Variants in SPAG16 observed in about 807,000 individuals in gnomAD.
The protein encoded by SPAG16 is sperm-associated antigen 16 protein.
In SPAG16, 86 loss-of-function variants were observed where a neutral mutation model predicts 80.4. That is an observed-to-expected ratio of 1.07 (90% CI 0.90 to 1.28). The LOEUF (loss-of-function observed/expected upper bound fraction) is 1.28, where lower values mean the gene tolerates loss of function less well. SPAG16 is among the 50% of genes most tolerant of loss of function. The probability of loss-of-function intolerance (pLI) is 0.00; values close to 1 mark genes in which losing one functional copy is unlikely to be tolerated. For missense variants in SPAG16, 870 were observed against 765.3 expected, an observed-to-expected ratio of 1.14 and a Z score of -1.61; for synonymous variants, 294 against 265.9, an observed-to-expected ratio of 1.11 and a Z score of -1.03.
At position 213,536,723 on chromosome 2, in the gene SPAG16, A is replaced by G. The variant is rs571185662; in HGVS notation, c.1070+46633A>G. On this transcript the variant is annotated intron_variant, in intron 10 of 15. Coordinates refer to ENST00000331683, the MANE Select transcript of SPAG16 (RefSeq NM_024532.5). The stretch of plus-strand genomic sequence containing the variant: ...TGTTTGAGTTCATTGTAGATTCTGG[A>G]TATTAGCCCTTTGTCAGATGAGTAG... 1.2e-3 allele frequency among the ~76,000 whole-genome samples: 179 copies of G among 152,118 alleles called. 1 individual carries two copies. Among genetic ancestry groups the G allele is most frequent in the Non-Finnish European group, 5.6e-4 (38 of 67,982 alleles).
Position 213,460,563 on chromosome 2 carries a change from G to A in SPAG16, c.943-29400G>A, listed in dbSNP as rs61661660. Among the ~76,000 whole-genome samples, 433 of 152,218 alleles carry A rather than the reference G, an allele frequency of 2.8e-3. 2 individuals are homozygous for A. Among genetic ancestry groups the A allele is most frequent in the African/African-American group, 9.9e-3 (413 of 41,540 alleles). On this transcript the variant is annotated intron_variant, in intron 9 of 15. Transcript: ENST00000331683. ...GAGATTAAGCTAATTTTGACCATAA[G>A]AAAAATGTTTGCAATAATTTAAACA...
intron 10 of SPAG16, among the ~76,000 whole-genome samples, chr2:213,601,224 A>G (rs930791477): frequency 6.6e-6 from 1 of 152,232 alleles, no homozygotes; most frequent in African/African-American, 2.4e-5. Context: ...GGAAGGGACC[A>G]GAGGTAATTG....
chr2:213,894,730 C>A (rs551816387), intron 11 of SPAG16, among the ~76,000 whole-genome samples: 1 of 152,220 alleles, frequency 6.6e-6, no homozygotes, highest in African/African-American at 2.4e-5. Flanking sequence ...GTGGCTCACA[C>A]CTGTAATCCC....
At chr2:213,338,534 A>C (rs1226835977) in intron 5 of SPAG16, among the ~76,000 whole-genome samples, 1 of 152,212 alleles carries the variant, frequency 6.6e-6, no homozygotes, top group East Asian at 1.9e-4. Context: ...AGGAATATAA[A>C]TCATTCTGTT....
chr2:214,185,025 C>T (rs777010163), intron 15 of SPAG16, among the ~76,000 whole-genome samples: 5 of 151,586 alleles, frequency 3.3e-5, no homozygotes, highest in African/African-American at 1.2e-4. Context: ...GATTATTAAT[C>T]TCAATAATCA....
chr2:214,209,284 C>A (rs2058226717), intron 15 of SPAG16, among the ~76,000 whole-genome samples: 1 of 152,038 alleles, frequency 6.6e-6, no homozygotes, highest in Non-Finnish European at 1.5e-5. Flanking sequence ...ATCAGAAACT[C>A]CCCAGCCTAA....
At chr2:213,650,319 G>A (rs1023052847) in intron 10 of SPAG16, among the ~76,000 whole-genome samples, 6 of 152,094 alleles carry the variant, frequency 3.9e-5, no homozygotes, top group African/African-American at 1.4e-4. Context: ...AGTAAACAAA[G>A]CCATACTCCT....
intron 9 of SPAG16, among the ~76,000 whole-genome samples, chr2:213,441,397 A>G (rs1451344614): frequency 6.6e-6 from 1 of 152,220 alleles, no homozygotes; most frequent in African/African-American, 2.4e-5. Flanking sequence ...GAAACAACAT[A>G]TCTACATATG....
chr2:213,336,181 C>G (rs1335298835), intron 5 of SPAG16, among the ~76,000 whole-genome samples: 1 of 152,232 alleles, frequency 6.6e-6, no homozygotes, highest in African/African-American at 2.4e-5. Context: ...ATCCTTGCAA[C>G]CTGCGGATCA....
chr2:213,464,459 G>A (rs1280931984), intron 9 of SPAG16, among the ~76,000 whole-genome samples: 2 of 152,304 alleles, frequency 1.3e-5, no homozygotes, highest in Admixed American at 6.5e-5. Context: ...GTTATTGCCT[G>A]AAGGTACTTA....
chr2:214,398,973 T>C (rs1054439281), intron 15 of SPAG16, among the ~76,000 whole-genome samples: 1 of 152,206 alleles, frequency 6.6e-6, no homozygotes, highest in African/African-American at 2.4e-5. Flanking sequence ...AATAAACAGA[T>C]GTGAAATATT....
chr2:214,403,330 T>A (rs1206751101), intron 15 of SPAG16, among the ~76,000 whole-genome samples: 2 of 148,682 alleles, frequency 1.3e-5, no homozygotes, highest in Non-Finnish European at 3.0e-5. Flanking sequence ...GATATATTTA[T>A]TTATATATTT....
intron 14 of SPAG16, among the ~76,000 whole-genome samples, chr2:214,140,539 T>C (rs1576329328): frequency 6.6e-6 from 1 of 152,096 alleles, no homozygotes; most frequent in African/African-American, 2.4e-5. Context: ...GATGGACTTG[T>C]ATTACAATCT....
chr2:213,510,309 A>C (rs1333027327), intron 10 of SPAG16, among the ~76,000 whole-genome samples: 1 of 152,184 alleles, frequency 6.6e-6, no homozygotes, highest in East Asian at 1.9e-4. Flanking sequence ...GTATGATTTT[A>C]ATATAAGTAC....
rs563852672 is a variant in SPAG16, at chr2:213,428,830, G to A, written c.942+53711G>A. On this transcript the variant is annotated intron_variant, in intron 9 of 15. Transcript: ENST00000331683. ...GAGAAGGCTGGGCATGGTGGCTCATGCCTGTAATCCCAGCACTTTGGGAGG... is the reference window on the plus strand; with the variant it reads ...GAGAAGGCTGGGCATGGTGGCTCATACCTGTAATCCCAGCACTTTGGGAGG... Among the ~76,000 whole-genome samples the A allele has an allele frequency of 1.8e-4, 27 of 152,212 alleles. No individual in the cohort carries two copies. In the South Asian group the frequency reaches 5.6e-3, roughly 32 times the overall value.
Position 213,490,039 on chromosome 2 carries a change from T to C in SPAG16, c.1019T>C (p.Phe340Ser). ...AAAGAAAGTCTTTCTCCAGCAAAATTTGACTACAAGCTGAAAAACATTTTT... is the reference window on the plus strand; with the variant it reads ...AAAGAAAGTCTTTCTCCAGCAAAATCTGACTACAAGCTGAAAAACATTTTT... ...VSKESLSPAK[F>S]DYKLKNIFRL... Residue 340 changes from phenylalanine (F) to serine (S), a missense_variant, in exon 10 of 16, where the codon TTT (phenylalanine) becomes TCT (serine). Coordinates refer to ENST00000331683, the MANE Select transcript of SPAG16 (RefSeq NM_024532.5). 1.2e-6 allele frequency: 2 copies of C among 1,610,894 alleles called. No individual in the cohort carries two copies. The highest frequency in any genetic ancestry group is 8.5e-7 in the Non-Finnish European group (1 of 1,178,584).
intron 15 of SPAG16, among the ~76,000 whole-genome samples, chr2:214,303,707 A>C (rs1234129114): frequency 6.6e-6 from 1 of 152,178 alleles, no homozygotes; most frequent in Non-Finnish European, 1.5e-5. Flanking sequence ...TGCCCATCAA[A>C]TATGATTTTC....
intron 9 of SPAG16, among the ~76,000 whole-genome samples, chr2:213,386,846 T>TA (rs1368967862): frequency 2.6e-5 from 4 of 152,160 alleles, no homozygotes. Flanking sequence ...TAAAGATAAC[T>TA]AAATATTACA....
chr2:214,036,593 T>C (rs542308870), intron 13 of SPAG16, among the ~76,000 whole-genome samples: 117 of 152,328 alleles, frequency 7.7e-4, no homozygotes, highest in African/African-American at 2.6e-3. Flanking sequence ...CATTCCAACA[T>C]AGCAGGATAA....
Sources: allele counts gnomAD v4.1 joint callset (sites outside exome capture counted in the v4.1 genomes callset), GRCh38; gene constraint gnomAD v4.1.1; transcripts MANE v1.5; gene names NCBI Gene and HGNC (gene_info 2026-07-23, HGNC 2026-07-21).